Variants in GRM8 observed in about 807,000 individuals in gnomAD.
GRM8 encodes the protein metabotropic glutamate receptor 8.
Under a neutral mutation model 87.2 loss-of-function variants are expected in GRM8, and 47 were observed. That is an observed-to-expected ratio of 0.54 (90% CI 0.43 to 0.69). The LOEUF (loss-of-function observed/expected upper bound fraction) is 0.69, where lower values mean the gene tolerates loss of function less well. Ranked by LOEUF, GRM8 falls within the 30% of genes least tolerant of loss-of-function variation. The probability of loss-of-function intolerance (pLI) is 0.00; values close to 1 mark genes in which losing one functional copy is unlikely to be tolerated. For missense variants in GRM8, 1,019 were observed against 1,139.2 expected (o/e 0.89, Z 1.52); for synonymous variants, 396 against 404.5 (o/e 0.98, Z 0.25).
rs147280499 is a variant in GRM8, at chr7:126,469,293, T to C, written c.2431-22921A>G. Among the ~76,000 whole-genome samples the C allele has an allele frequency of 3.3e-5, 5 of 152,280 alleles. No individual in the cohort carries two copies. The East Asian group carries it at 7.8e-4, about 24-fold the overall frequency. On this transcript the variant is annotated intron_variant, in intron 9 of 10. Coordinates refer to ENST00000339582, the MANE Select transcript of GRM8 (RefSeq NM_000845.3). Reference sequence around the variant, plus strand: ...AAATTCAGTGAAACTATTATCTGTATTTGCTGAATCCACTTGCCTTCCTTT... The same window carrying C: ...AAATTCAGTGAAACTATTATCTGTACTTGCTGAATCCACTTGCCTTCCTTT...
At chr7:126,845,524 A>C (rs774477792) in intron 6 of GRM8, among the ~76,000 whole-genome samples, 1 of 152,208 alleles carries the variant, frequency 6.6e-6, no homozygotes, top group Non-Finnish European at 1.5e-5. Context: ...ATCATTCATT[A>C]CTAAACTTCC....
At position 126,903,861 on chromosome 7, in the gene GRM8, T is replaced by C. The variant is rs191976001; in HGVS notation, c.1018+111A>G. 1,148 of 536,014 alleles carry C rather than the reference T, an allele frequency of 2.1e-3. 10 individuals are homozygous for C. The highest frequency in any genetic ancestry group is 0.019 in the African/African-American group (955 of 50,198). The allele number at this position is 536,014 out of a possible 1,614,324, so 33.2% of individuals were successfully genotyped here. On this transcript the variant is annotated intron_variant, in intron 5 of 10. Coordinates refer to ENST00000339582, the MANE Select transcript of GRM8 (RefSeq NM_000845.3). ...CAATTCTGCCACCAAAGCTAAAATT[T>C]GTATCAAGTCATCAGTAATGAGTGC...
chr7:127,004,241 G>A (rs547853028), intron 3 of GRM8, among the ~76,000 whole-genome samples: 27 of 151,662 alleles, frequency 1.8e-4, no homozygotes, highest in Admixed American at 1.4e-3. Flanking sequence ...CTAGAACCAG[G>A]TGATGAAATA....
At chr7:126,551,142 A>G (rs1050886839) in intron 8 of GRM8, among the ~76,000 whole-genome samples, 5 of 152,104 alleles carry the variant, frequency 3.3e-5, no homozygotes, top group Non-Finnish European at 5.9e-5. Flanking sequence ...TAACTGCTGC[A>G]TTCTTTTTCT....
intron 7 of GRM8, among the ~76,000 whole-genome samples, chr7:126,678,092 A>C (rs370713874): frequency 6.6e-6 from 1 of 152,132 alleles, no homozygotes; most frequent in African/African-American, 2.4e-5. Context: ...GTTTTGTTCA[A>C]TTTTCTCTAT....
chr7:126,864,484 T>C (rs1173468246), intron 6 of GRM8, among the ~76,000 whole-genome samples: 2 of 152,132 alleles, frequency 1.3e-5, no homozygotes, highest in Admixed American at 6.5e-5. Context: ...GTCTGGTCCA[T>C]TGTTTGTCCA....
At chr7:126,465,459 C>A (rs1218180597) in intron 9 of GRM8, among the ~76,000 whole-genome samples, 2 of 151,724 alleles carry the variant, frequency 1.3e-5, no homozygotes, top group African/African-American at 2.4e-5. Context: ...ATCTTCTGAT[C>A]CATGAATTTT....
intron 7 of GRM8, among the ~76,000 whole-genome samples, chr7:126,747,802 T>C (rs1035975146): frequency 9.2e-5 from 14 of 151,996 alleles, no homozygotes; most frequent in Non-Finnish European, 1.9e-4. Context: ...TGAAGAATTA[T>C]AAATTTTCCT....
intron 7 of GRM8, among the ~76,000 whole-genome samples, chr7:126,626,099 GAA>G (rs1800649109): frequency 1.2e-5 from 1 of 86,896 alleles, no homozygotes. Flanking sequence ...ATATATGAGA[GAA>G]GTGTGTGTGT....
intron 3 of GRM8, among the ~76,000 whole-genome samples, chr7:126,934,132 C>A (rs996685423): frequency 6.6e-6 from 1 of 152,106 alleles, no homozygotes; most frequent in Non-Finnish European, 1.5e-5. Flanking sequence ...GAGGCAAAAT[C>A]CCCTGGAGTT....
chr7:126,472,680 C>A (rs189515035), intron 9 of GRM8, among the ~76,000 whole-genome samples: 2 of 152,174 alleles, frequency 1.3e-5, no homozygotes, highest in African/African-American at 4.8e-5. Context: ...TTCACTGCCA[C>A]GACAATGGGG....
chr7:127,177,972 C>T (rs913888836), intron 2 of GRM8, among the ~76,000 whole-genome samples: 3 of 152,272 alleles, frequency 2.0e-5, no homozygotes, highest in Non-Finnish European at 4.4e-5. Flanking sequence ...CACACTAGTT[C>T]ACCAGCAATG....
At chr7:126,666,542 A>G (rs1290355702) in intron 7 of GRM8, among the ~76,000 whole-genome samples, 1 of 152,218 alleles carries the variant, frequency 6.6e-6, no homozygotes, top group Non-Finnish European at 1.5e-5. Flanking sequence ...ATCAACATTA[A>G]GAGGCTGATG....
chr7:126,793,569 C>A (rs554951462), intron 6 of GRM8, among the ~76,000 whole-genome samples: 115 of 152,188 alleles, frequency 7.6e-4, no homozygotes, highest in African/African-American at 2.7e-3. Context: ...AGTTTCTCTG[C>A]GAGGATTTAC....
chr7:126,474,549 C>A (rs574126030), intron 9 of GRM8, among the ~76,000 whole-genome samples: 1 of 152,260 alleles, frequency 6.6e-6, no homozygotes, highest in East Asian at 1.9e-4. Context: ...TGGGCAAGAG[C>A]CACCATGCCC....
intron 8 of GRM8, among the ~76,000 whole-genome samples, chr7:126,601,273 A>G (rs1001181856): frequency 6.6e-6 from 1 of 152,058 alleles, no homozygotes; most frequent in African/African-American, 2.4e-5. Flanking sequence ...ATCATTTTTT[A>G]TGGCTGCATA....
intron 2 of GRM8, among the ~76,000 whole-genome samples, chr7:127,157,574 C>T (rs1792816472): frequency 6.6e-6 from 1 of 151,996 alleles, no homozygotes; most frequent in Admixed American, 6.6e-5. Flanking sequence ...AATGAGAACA[C>T]AACAAGACTT....
intron 3 of GRM8, among the ~76,000 whole-genome samples, chr7:126,918,639 T>C (rs1254641372): frequency 6.6e-6 from 1 of 152,224 alleles, no homozygotes; most frequent in Non-Finnish European, 1.5e-5. Flanking sequence ...CTTGTGAGAA[T>C]AGGTTTTTAA....
rs139570429 is a variant in GRM8 at position 126,947,180 on chromosome 7, C to A, written c.728-42497G>T. ...CAAATTGATGTAGGAAAAAAGACAA[C>A]AAACAACAAATTGTCCATTAACTTG... On this transcript the variant is annotated intron_variant, in intron 3 of 10. Coordinates refer to ENST00000339582, the MANE Select transcript of GRM8 (RefSeq NM_000845.3). Among the ~76,000 whole-genome samples, 1,396 of 152,254 alleles carry A rather than the reference C, an allele frequency of 9.2e-3. 24 individuals carry two copies. Among genetic ancestry groups the A allele is most frequent in the Non-Finnish European group, 8.2e-3 (556 of 68,012 alleles).
Sources: allele counts gnomAD v4.1 joint callset (sites outside exome capture counted in the v4.1 genomes callset), GRCh38; gene constraint gnomAD v4.1.1; transcripts MANE v1.5; gene names NCBI Gene and HGNC (gene_info 2026-07-23, HGNC 2026-07-21).